Variants in SGCD observed in about 807,000 individuals in gnomAD.
SGCD encodes delta-sarcoglycan.
Under a neutral mutation model 36.6 loss-of-function variants are expected in SGCD, and 18 were observed. The observed-to-expected ratio is 0.49, with a 90% CI of 0.34 to 0.73. The LOEUF (loss-of-function observed/expected upper bound fraction) is 0.73, where lower values mean the gene tolerates loss of function less well. Ranked by LOEUF, SGCD falls within the 30% of genes least tolerant of loss-of-function variation. The pLI, the probability that SGCD is intolerant of heterozygous loss-of-function variation, is 0.01. For synonymous variants in SGCD, 133 were observed against 130.6 expected (o/e 1.02, Z -0.12); for missense variants, 387 against 346.7 (o/e 1.12, Z -0.92).
intron 4 of SGCD, among the ~76,000 whole-genome samples, chr5:156,569,517 C>T (rs927610577): frequency 2.6e-5 from 4 of 151,460 alleles, no homozygotes; most frequent in African/African-American, 7.3e-5. Context: ...GCTTGAACTT[C>T]GGAGGCAGAG....
chr5:156,155,186 G>T (rs1319236215), intron 3 of SGCD, among the ~76,000 whole-genome samples: 2 of 151,468 alleles, frequency 1.3e-5, no homozygotes. Flanking sequence ...ATTTCTCTAT[G>T]AAAAATTATC....
chr5:156,075,116 G>T (rs538320417), intron 1 of SGCD, among the ~76,000 whole-genome samples: 1 of 152,184 alleles, frequency 6.6e-6, no homozygotes, highest in South Asian at 2.1e-4. Flanking sequence ...GGAAGTTTCA[G>T]TGTTTTTAGG....
intron 3 of SGCD, among the ~76,000 whole-genome samples, chr5:156,199,674 A>C (rs922127042): frequency 2.6e-5 from 4 of 152,176 alleles, no homozygotes; most frequent in African/African-American, 4.8e-5. Context: ...GCATTAGATT[A>C]GCAATAATTT....
chr5:156,122,401 A>G (rs1762063761), intron 2 of SGCD, among the ~76,000 whole-genome samples: 2 of 152,262 alleles, frequency 1.3e-5, no homozygotes, highest in South Asian at 4.1e-4. Flanking sequence ...AGAAAGAGGG[A>G]TGAGATATGT....
intron 3 of SGCD, among the ~76,000 whole-genome samples, chr5:156,156,021 C>T (rs1003472884): frequency 2.0e-5 from 3 of 151,586 alleles, no homozygotes; most frequent in Non-Finnish European, 2.9e-5. Context: ...CCTTATGGGC[C>T]GAATGTGCAT....
intron 7 of SGCD, among the ~76,000 whole-genome samples, chr5:156,753,561 C>A (rs1757229967): frequency 6.6e-6 from 1 of 152,106 alleles, no homozygotes; most frequent in African/African-American, 2.4e-5. Flanking sequence ...AAAGAACTGC[C>A]CGAGGCTGGG....
the SGCD span, among the ~76,000 whole-genome samples, chr5:155,782,788 G>A: frequency 6.6e-6 from 1 of 152,260 alleles, no homozygotes. Context: ...GAGGGACCTA[G>A]GTTGTGTGCT....
intron 3 of SGCD, among the ~76,000 whole-genome samples, chr5:156,358,794 C>T (rs1393919735): frequency 6.6e-6 from 1 of 151,648 alleles, no homozygotes; most frequent in Non-Finnish European, 1.5e-5. Context: ...ACAAAGGAAG[C>T]CAAAGTAAAA....
At chr5:155,833,799 G>A in the SGCD span, among the ~76,000 whole-genome samples, 2 of 152,212 alleles carry the variant, frequency 1.3e-5, no homozygotes, top group South Asian at 4.1e-4. Flanking sequence ...CATTTGCTGA[G>A]TGCATTTCTA....
intron 1 of SGCD, among the ~76,000 whole-genome samples, chr5:156,101,939 T>A (rs866694199): frequency 1.3e-4 from 19 of 147,932 alleles, no homozygotes; most frequent in South Asian, 2.2e-4. Flanking sequence ...TGTGTGTGTG[T>A]GTGAGAGAGA....
chr5:156,657,803 A>G (rs1338476887), intron 7 of SGCD, among the ~76,000 whole-genome samples: 6 of 144,330 alleles, frequency 4.2e-5, no homozygotes, highest in Non-Finnish European at 7.6e-5. Flanking sequence ...AGTATAGAGA[A>G]AGAAATAAGG....
At chr5:156,420,316 G>C (rs935629472) in intron 3 of SGCD, among the ~76,000 whole-genome samples, 1 of 152,050 alleles carries the variant, frequency 6.6e-6, no homozygotes, top group Non-Finnish European at 1.5e-5. Context: ...GTTTAGTATA[G>C]CATAAATGCA....
At chr5:156,647,004 AG>A (rs1763251351) in intron 6 of SGCD, among the ~76,000 whole-genome samples, 1 of 152,188 alleles carries the variant, frequency 6.6e-6, no homozygotes, top group African/African-American at 2.4e-5. Context: ...AACTTTTGCT[AG>A]TCATTAGGCA....
chr5:156,563,500 A>G (rs1422280261), intron 4 of SGCD, among the ~76,000 whole-genome samples: 2 of 152,352 alleles, frequency 1.3e-5, no homozygotes, highest in African/African-American at 4.8e-5. Context: ...GCAGTCTTCT[A>G]CAATGTGAAT....
At chr5:156,068,052 C>G (rs1214769897) in intron 1 of SGCD, among the ~76,000 whole-genome samples, 1 of 151,748 alleles carries the variant, frequency 6.6e-6, no homozygotes, top group Non-Finnish European at 1.5e-5. Context: ...CACTGTTCAA[C>G]CTTCCTCTCT....
At chr5:156,288,605 G>A (rs895364323) in intron 3 of SGCD, among the ~76,000 whole-genome samples, 1 of 152,184 alleles carries the variant, frequency 6.6e-6, no homozygotes, top group Non-Finnish European at 1.5e-5. Context: ...GGCAAACTCA[G>A]TGTGTTAGTG....
intron 3 of SGCD, among the ~76,000 whole-genome samples, chr5:156,176,868 C>A (rs1296779390): frequency 6.6e-6 from 1 of 152,076 alleles, no homozygotes; most frequent in Non-Finnish European, 1.5e-5. Context: ...TACAAAGTGA[C>A]AAATTGTCAG....
At chr5:155,954,617 G>A (rs1197018398) in intron 1 of SGCD, among the ~76,000 whole-genome samples, 2 of 151,220 alleles carry the variant, frequency 1.3e-5, no homozygotes, top group Non-Finnish European at 2.9e-5. Context: ...GCAAGGCATG[G>A]CTTTTTTGTC....
At chr5:156,526,928 C>A (rs1169941234) in intron 4 of SGCD, among the ~76,000 whole-genome samples, 2 of 152,168 alleles carry the variant, frequency 1.3e-5, no homozygotes, top group African/African-American at 4.8e-5. Context: ...GTAAGAGTTA[C>A]TGAGGGCTTT....
Sources: allele counts gnomAD v4.1 joint callset (sites outside exome capture counted in the v4.1 genomes callset), GRCh38; gene constraint gnomAD v4.1.1; transcripts MANE v1.5; gene names NCBI Gene and HGNC (gene_info 2026-07-23, HGNC 2026-07-21).